Variants in ETV1 observed in about 807,000 individuals in gnomAD.
ETV1 encodes the protein ETS variant transcription factor 1.
A neutral mutation model predicts 62.3 loss-of-function variants in ETV1; 27 were observed. The ratio of observed to expected loss-of-function variants is 0.43; its 90% CI spans 0.32 to 0.60. The LOEUF (loss-of-function observed/expected upper bound fraction) is 0.60, where lower values mean the gene tolerates loss of function less well. ETV1 is among the 20% of genes least tolerant of loss of function. The pLI is 0.06. For synonymous variants in ETV1, 222 were observed against 199.6 expected (o/e 1.11, Z -0.94); for missense variants, 605 against 605.8 (o/e 1.00, Z 0.01).
chr7:13,899,569 T>C (rs1782201710), intron 13 of ETV1, among the ~76,000 whole-genome samples: 1 of 152,104 alleles, frequency 6.6e-6, no homozygotes, highest in Non-Finnish European at 1.5e-5. Flanking sequence ...GACATAAAAA[T>C]GTGCCACAAT....
intron 6 of ETV1, among the ~76,000 whole-genome samples, chr7:13,960,110 G>C (rs1055529287): frequency 6.6e-6 from 1 of 151,932 alleles, no homozygotes; most frequent in African/African-American, 2.4e-5. Context: ...GGAGGACAAT[G>C]GAAAGGAAGA....
chr7:13,940,267 C>A (rs572062377), intron 6 of ETV1, among the ~76,000 whole-genome samples: 3 of 150,686 alleles, frequency 2.0e-5, no homozygotes, highest in South Asian at 2.1e-4. Flanking sequence ...GAGGCTGAGG[C>A]GGGAGAATTG....
chr7:13,946,040 G>A (rs1043321958), intron 6 of ETV1, among the ~76,000 whole-genome samples: 12 of 152,158 alleles, frequency 7.9e-5, no homozygotes, highest in African/African-American at 1.9e-4. Context: ...AGGCATCTGC[G>A]TTGTTTGTAG....
At chr7:13,946,956 T>G (rs956444224) in intron 6 of ETV1, among the ~76,000 whole-genome samples, 2 of 151,998 alleles carry the variant, frequency 1.3e-5, no homozygotes, top group African/African-American at 2.4e-5. Flanking sequence ...GCTCAGCTAA[T>G]TTTTTTGTAT....
At position 13,895,704 on chromosome 7, in the gene ETV1, A is replaced by G; in HGVS notation, c.*162T>C. The stretch of plus-strand genomic sequence containing the variant: ...CACCCTCAAATAAAGTGCACAGTCC[A>G]TGGCAGACCATAGAATAATGCAACA... On this transcript the variant is annotated 3_prime_UTR_variant, in exon 14 of 14. Transcript: ENST00000430479. The G allele has an allele frequency of 1.6e-6, 1 of 629,336 alleles. No individual in the cohort carries two copies. Among genetic ancestry groups the G allele is most frequent in the Non-Finnish European group, 2.8e-6 (1 of 358,068 alleles). The allele number at this position is 629,336 out of a possible 1,614,324, so 39.0% of individuals were successfully genotyped here.
intron 11 of ETV1, among the ~76,000 whole-genome samples, chr7:13,909,307 G>A (rs984845181): frequency 2.0e-5 from 3 of 152,144 alleles, no homozygotes; most frequent in Non-Finnish European, 4.4e-5. Context: ...TACAGGATCA[G>A]CTTTCAATAA....
At chr7:13,966,365 G>A (rs1015402609) in intron 6 of ETV1, among the ~76,000 whole-genome samples, 2 of 152,126 alleles carry the variant, frequency 1.3e-5, no homozygotes, top group South Asian at 2.1e-4. Flanking sequence ...GGGTGTGGTG[G>A]CTCACACCTG....
intron 6 of ETV1, among the ~76,000 whole-genome samples, chr7:13,944,204 G>A (rs1364867425): frequency 6.6e-6 from 1 of 152,186 alleles, no homozygotes; most frequent in Non-Finnish European, 1.5e-5. Context: ...AGAAGAAAGG[G>A]CATGTCTTAG....
At chr7:13,934,298 A>G (rs565245177) in intron 8 of ETV1, among the ~76,000 whole-genome samples, 1 of 152,346 alleles carries the variant, frequency 6.6e-6, no homozygotes, top group African/African-American at 2.4e-5. Context: ...CAAGGGTGGA[A>G]AAGACAAGGC....
At chr7:13,926,563 A>C (rs1040488434) in intron 9 of ETV1, among the ~76,000 whole-genome samples, 2 of 152,186 alleles carry the variant, frequency 1.3e-5, no homozygotes, top group African/African-American at 4.8e-5. Flanking sequence ...TGAAGCACTC[A>C]ATGTGTATTT....
chr7:13,955,119 C>T (rs535790854), intron 6 of ETV1, among the ~76,000 whole-genome samples: 1 of 152,270 alleles, frequency 6.6e-6, no homozygotes, highest in East Asian at 1.9e-4. Flanking sequence ...TTTGAACCAA[C>T]TACTAATTTG....
At chr7:13,909,833 A>C in intron 10 of ETV1, 133 bp from the exon 11 acceptor site, 1 of 725,406 alleles carries the variant, frequency 1.4e-6, no homozygotes, top group East Asian at 2.6e-5. Flanking sequence ...TGAGCCCTGG[A>C]CACATTATTT....
At chr7:13,930,118 A>G (rs1347123819) in intron 9 of ETV1, among the ~76,000 whole-genome samples, 1 of 152,174 alleles carries the variant, frequency 6.6e-6, no homozygotes, top group African/African-American at 2.4e-5. Context: ...CACAGATACA[A>G]TAATGTTAAC....
At chr7:13,989,537 C>T (rs369204082) in intron 1 of ETV1, 26 bp downstream of exon 1, 3 of 399,100 alleles carry the variant, frequency 7.5e-6, no homozygotes. Flanking sequence ...TCTGGAGAGA[C>T]ATAAAAAGTT....
chr7:13,954,335 A>G lies in ETV1; in HGVS notation c.236-15089T>C, dbSNP rs527470730. On this transcript the variant is annotated intron_variant, in intron 6 of 13. Coordinates refer to ENST00000430479, the MANE Select transcript of ETV1 (RefSeq NM_004956.5). Reference sequence around the variant, plus strand: ...TAGAATTCATCTCACACGGATTAGCATGATCTAAACAATTCTTCAAATAAG... The same window carrying G: ...TAGAATTCATCTCACACGGATTAGCGTGATCTAAACAATTCTTCAAATAAG... Among the ~76,000 whole-genome samples, 229 of 152,332 alleles carry G rather than the reference A, an allele frequency of 1.5e-3. 1 individual carries two copies. Among genetic ancestry groups the G allele is most frequent in the Non-Finnish European group, 2.2e-3 (152 of 68,022 alleles).
rs765452116 is a variant in ETV1 at position 13,975,562 on chromosome 7, C to CAAAA, written c.235+1861_235+1864dup. ...TGGGCAACAGGGTGAGACTCTGTCT[C>CAAAA]AAAAAAAAAAAAAAAAAGAAAAGAA... On this transcript the variant is annotated intron_variant, in intron 6 of 13. Coordinates refer to ENST00000430479, the MANE Select transcript of ETV1 (RefSeq NM_004956.5). Among the ~76,000 whole-genome samples, 400 of 40,942 alleles carry CAAAA rather than the reference C, an allele frequency of 9.8e-3. 18 individuals carry two copies. The East Asian group carries it at 0.18, about 18-fold the overall frequency. 26.9% of individuals were successfully genotyped at this position (40,942 alleles called of 152,430 possible).
At chr7:13,926,427 A>T (rs1027768759) in intron 9 of ETV1, among the ~76,000 whole-genome samples, 4 of 152,228 alleles carry the variant, frequency 2.6e-5, no homozygotes, top group African/African-American at 9.6e-5. Context: ...TAAACATCTA[A>T]AATATTTGCG....
At chr7:13,986,106 A>G (rs902674058) in intron 5 of ETV1, 3 of 1,566,236 alleles carry the variant, frequency 1.9e-6, no homozygotes, top group Non-Finnish European at 2.6e-6. Context: ...CCTAAGCATT[A>G]GATACACACC....
intron 13 of ETV1, among the ~76,000 whole-genome samples, chr7:13,896,910 A>G (rs926499456): frequency 2.0e-5 from 3 of 152,144 alleles, no homozygotes; most frequent in Admixed American, 1.3e-4. Context: ...TAAAGTGTCA[A>G]ATTGAAGTAA....
Sources: gnomAD v4.1 joint callset for allele counts (sites outside exome capture counted in the v4.1 genomes callset) on GRCh38, gnomAD v4.1.1 for gene constraint, MANE v1.5 for transcripts, NCBI Gene and HGNC (gene_info 2026-07-23, HGNC 2026-07-21) for gene names.